The following OLFM1 variants were observed in gnomAD, a reference collection of about 807,000 sequenced individuals.
The protein encoded by OLFM1 is noelin.
A neutral mutation model predicts 49.7 loss-of-function variants in OLFM1; 9 were observed. The ratio of observed to expected loss-of-function variants is 0.18; its 90% CI spans 0.11 to 0.32. The LOEUF is 0.32. Among genes scored for constraint, OLFM1 ranks in the 10% least tolerant of loss-of-function variants. The pLI, the probability that OLFM1 is intolerant of heterozygous loss-of-function variation, is 1.00. For synonymous variants in OLFM1, 240 were observed against 271.8 expected (o/e 0.88, Z 1.15); for missense variants, 369 against 661.8 (o/e 0.56, Z 4.85).
chr9:135,089,349 G>A (rs1266861554), intron 1 of OLFM1, among the ~76,000 whole-genome samples: 1 of 152,252 alleles, frequency 6.6e-6, no homozygotes, highest in Non-Finnish European at 1.5e-5. Flanking sequence ...AGGGGAGCGT[G>A]CTCAGAGACA....
chr9:135,116,870 C>T (rs1333505201), intron 5 of OLFM1, among the ~76,000 whole-genome samples: 1 of 143,626 alleles, frequency 7.0e-6, no homozygotes, highest in African/African-American at 2.5e-5. Flanking sequence ...TCAAATGAGG[C>T]CCAGCTGAAA....
At chr9:135,092,820 G>C (rs571056294) in intron 2 of OLFM1, among the ~76,000 whole-genome samples, 1 of 152,234 alleles carries the variant, frequency 6.6e-6, no homozygotes, top group African/African-American at 2.4e-5. Context: ...GAGGGCATGA[G>C]CCATTTGCTA....
intron 2 of OLFM1, among the ~76,000 whole-genome samples, chr9:135,094,230 G>A (rs930061229): frequency 6.6e-6 from 1 of 152,180 alleles, no homozygotes; most frequent in Non-Finnish European, 1.5e-5. Context: ...TACAGATGTG[G>A]ATGAGACCCA....
intron 4 of OLFM1, among the ~76,000 whole-genome samples, chr9:135,103,815 G>A (rs1036913844): frequency 1.3e-5 from 2 of 152,172 alleles, no homozygotes; most frequent in Non-Finnish European, 2.9e-5. Flanking sequence ...AAAGCTCTCT[G>A]GTGGTCCCTG....
At chr9:135,118,397 T>C (rs138156517) in intron 5 of OLFM1, among the ~76,000 whole-genome samples, 2,219 of 117,184 alleles carry the variant, frequency 0.019, 75 homozygotes, top group African/African-American at 0.069. Flanking sequence ...GCTGGGTCTT[T>C]GGAGTGCTCG....
At chr9:135,081,139 C>A (rs1169072564) in intron 1 of OLFM1, among the ~76,000 whole-genome samples, 1 of 152,114 alleles carries the variant, frequency 6.6e-6, no homozygotes, top group Non-Finnish European at 1.5e-5. Context: ...CAGTTGTCCC[C>A]ATTCTTGACC....
At position 135,077,803 on chromosome 9, in the gene OLFM1, G is replaced by A. The variant is rs112064505; in HGVS notation, c.96+2001G>A. Among the ~76,000 whole-genome samples, 37 of 152,306 alleles carry A rather than the reference G, an allele frequency of 2.4e-4. 3 individuals are homozygous for A. The highest frequency in any genetic ancestry group is 8.7e-4 in the African/African-American group (36 of 41,558). Reference sequence around the variant, plus strand: ...GCTGGCTTCTGATAATTGTGCTTTCGGAATCTTGCATTGGAGGCCAGTTAT... The same window carrying A: ...GCTGGCTTCTGATAATTGTGCTTTCAGAATCTTGCATTGGAGGCCAGTTAT... On this transcript the variant is annotated intron_variant, in intron 1 of 5. Transcript: ENST00000252854.
intron 2 of OLFM1, 52 bp downstream of exon 2, chr9:135,090,396 G>A (rs745957804): frequency 1.3e-6 from 2 of 1,563,138 alleles, no homozygotes; most frequent in Non-Finnish European, 8.7e-7. Flanking sequence ...TTGTGTGTGT[G>A]TGTGTGTGTG....
At position 135,088,906 on chromosome 9, in the gene OLFM1, G is replaced by A. The variant is rs1830641485; in HGVS notation, c.150+767G>A. Among the ~76,000 whole-genome samples the A allele has an allele frequency of 6.6e-6, 1 of 152,218 alleles. No individual in the cohort carries two copies. The highest frequency in any genetic ancestry group is 2.1e-4 in the South Asian group (1 of 4,834). On this transcript the variant is annotated intron_variant, in intron 1 of 5. Coordinates refer to ENST00000371793, the MANE Select transcript of OLFM1 (RefSeq NM_001282611.2). The surrounding 1 kb of genome is among the most constrained non-coding windows in gnomAD (Gnocchi z 4.8). ...TAGCGGGAGGGGAACCGTGGCCGGG[G>A]CTGCTTCTGGGCAGAGCTGACTTAG...
chr9:135,114,275 C>T lies in OLFM1; in HGVS notation c.784-5229C>T, dbSNP rs552415905. Among the ~76,000 whole-genome samples the T allele has an allele frequency of 3.0e-3, 452 of 151,838 alleles. 2 individuals carry two copies. Among genetic ancestry groups the T allele is most frequent in the Admixed American group, 6.2e-3 (95 of 15,254 alleles). ...AGCTGGGATTACAGGCACGTGCCACCATGTCCAGCTAATTTTTATATTTTT... is the reference window on the plus strand; with the variant it reads ...AGCTGGGATTACAGGCACGTGCCACTATGTCCAGCTAATTTTTATATTTTT... On this transcript the variant is annotated intron_variant, in intron 5 of 5. Coordinates refer to ENST00000371793, the MANE Select transcript of OLFM1 (RefSeq NM_001282611.2).
chr9:135,104,145 G>T (rs1830906862), intron 4 of OLFM1, among the ~76,000 whole-genome samples: 1 of 152,184 alleles, frequency 6.6e-6, no homozygotes. Flanking sequence ...GGCTCCGGCT[G>T]CAGTGAGGAC....
At chr9:135,081,506 C>T (rs1183559267) in intron 1 of OLFM1, among the ~76,000 whole-genome samples, 1 of 152,118 alleles carries the variant, frequency 6.6e-6, no homozygotes, top group Non-Finnish European at 1.5e-5. Context: ...GGTTTCCTTG[C>T]AACCCCTGAG....
At chr9:135,089,333 C>T (rs1830648267) in intron 1 of OLFM1, among the ~76,000 whole-genome samples, 1 of 152,226 alleles carries the variant, frequency 6.6e-6, no homozygotes, top group African/African-American at 2.4e-5. Context: ...GACCTGATGC[C>T]ACCGGAGGGG....
At chr9:135,076,542 G>A in intron 1 of OLFM1, 1 of 1,161,992 alleles carries the variant, frequency 8.6e-7, no homozygotes, top group Non-Finnish European at 1.2e-6. Context: ...AGGTCTTGGG[G>A]GAGGAGAAGG....
chr9:135,111,177 G>A (rs574173438), intron 5 of OLFM1, among the ~76,000 whole-genome samples: 160 of 152,346 alleles, frequency 1.1e-3, no homozygotes, highest in African/African-American at 3.5e-3. Flanking sequence ...CCTCGGTTTC[G>A]GAGAAGCCTG....
chr9:135,112,163 G>A (rs889849471), intron 5 of OLFM1, among the ~76,000 whole-genome samples: 1 of 152,214 alleles, frequency 6.6e-6, no homozygotes, highest in Non-Finnish European at 1.5e-5. Context: ...GTCCAGCTGT[G>A]AATGGAGAGC....
At chr9:135,104,717 C>T (rs1830916807) in intron 4 of OLFM1, among the ~76,000 whole-genome samples, 1 of 152,162 alleles carries the variant, frequency 6.6e-6, no homozygotes, top group Non-Finnish European at 1.5e-5. Flanking sequence ...CTCCCAGCGC[C>T]CACCCAGTGC....
intron 1 of OLFM1, chr9:135,077,213 G>A: frequency 6.6e-7 from 1 of 1,513,408 alleles, no homozygotes; most frequent in Admixed American, 2.1e-5. Context: ...AGCCAACCAG[G>A]TCCTGATTAG....
intron 4 of OLFM1, chr9:135,105,986 T>G (rs1378888976): frequency 6.6e-6 from 1 of 151,914 alleles, no homozygotes; most frequent in East Asian, 1.9e-4. Context: ...CCCTCGGGGG[T>G]GTGGGGGGCT....
Sources: gnomAD v4.1 joint callset for allele counts (sites outside exome capture counted in the v4.1 genomes callset) on GRCh38, gnomAD v4.1.1 for gene constraint, Gnocchi (gnomAD v3.1) non-coding constraint, MANE v1.5 for transcripts, NCBI Gene and HGNC (gene_info 2026-07-23, HGNC 2026-07-21) for gene names.